Variants in SLC15A1 observed in about 807,000 individuals in gnomAD.
SLC15A1 encodes the protein Caco-2 oligopeptide transporter.
SLC15A1 carries 83 observed loss-of-function variants against 92.9 expected under a neutral mutation model. The ratio of observed to expected loss-of-function variants is 0.89; its 90% CI spans 0.75 to 1.07. SLC15A1 has a LOEUF of 1.07. Ranked by LOEUF, SLC15A1 falls within the 50% of genes least tolerant of loss-of-function variation. The pLI, the probability that SLC15A1 is intolerant of heterozygous loss-of-function variation, is 0.00. For missense variants in SLC15A1, 857 were observed against 880.1 expected (o/e 0.97, Z 0.33); for synonymous variants, 322 against 318.2 (o/e 1.01, Z -0.13).
In SLC15A1 at chr13:98,726,349, A is replaced by G. The variant is rs1280173452; in HGVS notation, c.103+19T>C. The stretch of plus-strand genomic sequence containing the variant: ...CTCCCGCTCTTCCCTGAAGGGTGAG[A>G]AACGGCCAATACAGTTACCTCGCAT... On this transcript the variant is annotated intron_variant, in intron 3 of 22. Coordinates refer to ENST00000376503, the MANE Select transcript of SLC15A1 (RefSeq NM_005073.4). 5.0e-6 allele frequency: 8 copies of G among 1,614,062 alleles called. No homozygotes were observed. Among genetic ancestry groups the G allele is most frequent in the Non-Finnish European group, 5.1e-6 (6 of 1,180,000 alleles).
chr13:98,726,164 A>G lies in SLC15A1; in HGVS notation c.204T>C (p.Ile68=). Residue 68 remains isoleucine, a synonymous_variant, in exon 4 of 23, where the codon ATT becomes ATC. Transcript: ENST00000376503. ...TFVALCYLTP[I]LGALIADSWL... ...ACGAGTCGGCGATAAGAGCTCCGAGAATTGGCGTCAGGTAGCACAGAGCCA... is the reference window on the plus strand; with the variant it reads ...ACGAGTCGGCGATAAGAGCTCCGAGGATTGGCGTCAGGTAGCACAGAGCCA... 1.9e-6 allele frequency: 3 copies of G among 1,614,134 alleles called. No homozygotes were observed. The highest frequency in any genetic ancestry group is 2.5e-6 in the Non-Finnish European group (3 of 1,180,020).
At chr13:98,712,625 A>G (rs372645927) in intron 9 of SLC15A1, 41 bp from the exon 10 acceptor site, 6 of 1,449,114 alleles carry the variant, frequency 4.1e-6, no homozygotes, top group Middle Eastern at 1.7e-4. Context: ...AACAGGACCA[A>G]CAACTTTGTC....
intron 18 of SLC15A1, among the ~76,000 whole-genome samples, chr13:98,699,291 G>A: frequency 6.6e-6 from 1 of 152,166 alleles, no homozygotes; most frequent in South Asian, 2.1e-4. Context: ...CCAGTGAGCT[G>A]TCCCTCTGTT....
At chr13:98,746,435 A>AAT (rs1285221288) in intron 1 of SLC15A1, among the ~76,000 whole-genome samples, 1 of 152,184 alleles carries the variant, frequency 6.6e-6, no homozygotes, top group African/African-American at 2.4e-5. Flanking sequence ...GAGTTGTCAC[A>AAT]ATGCTTTTCA....
chr13:98,744,274 C>G (rs997167275), intron 1 of SLC15A1, among the ~76,000 whole-genome samples: 7 of 142,806 alleles, frequency 4.9e-5, no homozygotes, highest in African/African-American at 7.7e-5. Flanking sequence ...GAACCAATCT[C>G]TTGGTCTTTT....
At chr13:98,685,635 A>G (rs547809859) in intron 22 of SLC15A1, among the ~76,000 whole-genome samples, 58 of 152,364 alleles carry the variant, frequency 3.8e-4, no homozygotes, top group African/African-American at 1.3e-3. Flanking sequence ...GGCAACTTCA[A>G]GTTAACCCAT....
At chr13:98,708,797 A>G in intron 14 of SLC15A1, 30 bp from the exon 15 acceptor site, 1 of 1,562,842 alleles carries the variant, frequency 6.4e-7, no homozygotes, top group African/African-American at 1.4e-5. Context: ...GTGACTCTCA[A>G]CCAGTTTCAC....
intron 18 of SLC15A1, among the ~76,000 whole-genome samples, chr13:98,699,200 G>A (rs1303614992): frequency 6.6e-6 from 1 of 152,098 alleles, no homozygotes; most frequent in Non-Finnish European, 1.5e-5. Context: ...CAATTATTCT[G>A]TCAATGCCAC....
intron 17 of SLC15A1, 103 bp downstream of exon 17, chr13:98,704,186 T>C: frequency 9.7e-7 from 1 of 1,033,626 alleles, no homozygotes; most frequent in Non-Finnish European, 1.3e-6. Flanking sequence ...GAGGATGATC[T>C]AATATAACAC....
chr13:98,736,430 G>A (rs1394315043), intron 1 of SLC15A1, among the ~76,000 whole-genome samples: 1 of 152,048 alleles, frequency 6.6e-6, no homozygotes, highest in Non-Finnish European at 1.5e-5. Flanking sequence ...CATAGGCATG[G>A]GCAAGAACTT....
intron 1 of SLC15A1, among the ~76,000 whole-genome samples, chr13:98,732,520 A>C (rs1437622016): frequency 6.6e-6 from 1 of 152,212 alleles, no homozygotes; most frequent in African/African-American, 2.4e-5. Flanking sequence ...GCACGACTCA[A>C]TAAAATCTCC....
intron 18 of SLC15A1, among the ~76,000 whole-genome samples, chr13:98,693,353 C>T (rs1477314595): frequency 2.0e-5 from 3 of 152,166 alleles, no homozygotes; most frequent in Non-Finnish European, 4.4e-5. Flanking sequence ...TCACATTGGC[C>T]TCCCAAAGTG....
intron 7 of SLC15A1, 80 bp downstream of exon 7, chr13:98,721,415 G>A (rs2088256466): frequency 1.1e-5 from 11 of 981,854 alleles, no homozygotes; most frequent in Non-Finnish European, 1.8e-5. Flanking sequence ...CAGAAGGGAA[G>A]AACAGAACAA....
intron 4 of SLC15A1, among the ~76,000 whole-genome samples, chr13:98,724,793 A>G (rs1159410313): frequency 1.3e-5 from 2 of 152,144 alleles, no homozygotes; most frequent in Non-Finnish European, 2.9e-5. Context: ...AACAGTAAGA[A>G]TTACTTATAT....
At chr13:98,716,179 C>G (rs1254997861) in intron 8 of SLC15A1, among the ~76,000 whole-genome samples, 1 of 152,270 alleles carries the variant, frequency 6.6e-6, no homozygotes, top group African/African-American at 2.4e-5. Context: ...TAATATGCAA[C>G]CTGTAAGCCT....
At position 98,721,475 on chromosome 13, in the gene SLC15A1, T is replaced by A; in HGVS notation, c.556+20A>T. On this transcript the variant is annotated intron_variant, in intron 7 of 22. Coordinates refer to ENST00000376503, the MANE Select transcript of SLC15A1 (RefSeq NM_005073.4). The stretch of plus-strand genomic sequence containing the variant: ...TTACTAAAAAAAGACCAACAGAAGT[T>A]CCTTTCAGGTATCTCTTACCTCTGA... 6.3e-7 allele frequency: 1 copy of A among 1,576,360 alleles called. No homozygotes were observed. The highest frequency in any genetic ancestry group is 8.7e-7 in the Non-Finnish European group (1 of 1,146,232).
At chr13:98,707,891 T>TTTTA (rs1315915894) in intron 15 of SLC15A1, among the ~76,000 whole-genome samples, 28 of 106,844 alleles carry the variant, frequency 2.6e-4, no homozygotes, top group African/African-American at 1.1e-3. Flanking sequence ...AGACCCTGTT[T>TTTTA]AAAAAAAAAA....
At chr13:98,739,045 T>A (rs1157343156) in intron 1 of SLC15A1, among the ~76,000 whole-genome samples, 1 of 152,196 alleles carries the variant, frequency 6.6e-6, no homozygotes, top group African/African-American at 2.4e-5. Flanking sequence ...CAGGAAACTA[T>A]TTGGGAGCTT....
At chr13:98,749,501 G>C (rs146510688) in intron 1 of SLC15A1, among the ~76,000 whole-genome samples, 2,799 of 152,238 alleles carry the variant, frequency 0.018, 94 homozygotes, top group African/African-American at 0.064. Context: ...GGTGGGGTGG[G>C]AGGAAAGAGA....
Sources: gnomAD v4.1 joint callset for allele counts (sites outside exome capture counted in the v4.1 genomes callset) on GRCh38, gnomAD v4.1.1 for gene constraint, MANE v1.5 for transcripts, NCBI Gene and HGNC (gene_info 2026-07-23, HGNC 2026-07-21) for gene names.